SPATS2: variants seen among roughly 807,000 people sequenced by gnomAD.
The protein encoded by SPATS2 is spermatogenesis associated serine rich 2, also known as spermatogenesis-associated serine-rich protein 2.
SPATS2 carries 38 observed loss-of-function variants against 63.7 expected under a neutral mutation model. That is an observed-to-expected ratio of 0.60 (90% CI 0.46 to 0.78). SPATS2 has a LOEUF of 0.78. Among genes scored for constraint, SPATS2 ranks in the 30% least tolerant of loss-of-function variants. The pLI is 0.00. For synonymous variants in SPATS2, 207 were observed against 232.9 expected, an observed-to-expected ratio of 0.89 and a Z score of 1.01; for missense variants, 588 against 666.2, an observed-to-expected ratio of 0.88 and a Z score of 1.29.
intron 9 of SPATS2, among the ~76,000 whole-genome samples, chr12:49,510,477 T>C (rs1383354807): frequency 1.3e-5 from 2 of 151,124 alleles, no homozygotes; most frequent in Admixed American, 1.3e-4. Flanking sequence ...GGCGGGAGGA[T>C]TGCTTGAGCC....
intron 2 of SPATS2, among the ~76,000 whole-genome samples, chr12:49,406,188 C>T (rs545912609): frequency 1.3e-4 from 20 of 151,930 alleles, no homozygotes; most frequent in Non-Finnish European, 2.5e-4. Context: ...AGCTTGAATT[C>T]GGGAGGATAC....
chr12:49,423,744 A>G (rs1021240767), intron 2 of SPATS2, among the ~76,000 whole-genome samples: 1 of 152,204 alleles, frequency 6.6e-6, no homozygotes, highest in African/African-American at 2.4e-5. Context: ...GTCGTACCCA[A>G]ATTCACCTAA....
At chr12:49,508,200 T>G (rs1243610241) in intron 9 of SPATS2, among the ~76,000 whole-genome samples, 1 of 152,098 alleles carries the variant, frequency 6.6e-6, no homozygotes, top group Non-Finnish European at 1.5e-5. Flanking sequence ...GACATTGGTG[T>G]CATAATTCCA....
At chr12:49,489,089 C>A (rs1946342952) in intron 4 of SPATS2, among the ~76,000 whole-genome samples, 1 of 152,106 alleles carries the variant, frequency 6.6e-6, no homozygotes, top group African/African-American at 2.4e-5. Flanking sequence ...ACATAAAAAT[C>A]TAAGTTGTTA....
chr12:49,416,269 T>C (rs562044127), intron 2 of SPATS2, among the ~76,000 whole-genome samples: 35 of 152,214 alleles, frequency 2.3e-4, no homozygotes, highest in Admixed American at 1.8e-3. Context: ...GCGTCTCTTA[T>C]GCAGTTGGAG....
intron 2 of SPATS2, among the ~76,000 whole-genome samples, chr12:49,404,925 A>G (rs1490378392): frequency 6.6e-6 from 1 of 152,180 alleles, no homozygotes; most frequent in Admixed American, 6.5e-5. Flanking sequence ...TGAAAATTAT[A>G]TTAAATTCAA....
intron 2 of SPATS2, among the ~76,000 whole-genome samples, chr12:49,415,613 C>T (rs1944876478): frequency 6.6e-6 from 1 of 152,176 alleles, no homozygotes; most frequent in Non-Finnish European, 1.5e-5. Flanking sequence ...CACATTACTG[C>T]AGATGACAGC....
At chr12:49,518,994 A>G (rs1946893746) in intron 10 of SPATS2, 79 bp from the exon 11 acceptor site, 6 of 1,149,038 alleles carry the variant, frequency 5.2e-6, no homozygotes, top group African/African-American at 1.6e-5. Flanking sequence ...CCAAATACCT[A>G]CTGCAAGGCT....
intron 2 of SPATS2, among the ~76,000 whole-genome samples, chr12:49,421,591 G>A (rs541803318): frequency 6.6e-6 from 1 of 152,142 alleles, no homozygotes; most frequent in South Asian, 2.1e-4. Context: ...CCTAATTCTG[G>A]TCCATTTTAA....
At chr12:49,525,276 C>T (rs994754362) in intron 13 of SPATS2, among the ~76,000 whole-genome samples, 1 of 152,150 alleles carries the variant, frequency 6.6e-6, no homozygotes, top group African/African-American at 2.4e-5. Flanking sequence ...GTGGAATTTA[C>T]AGGGAAAGAG....
intron 2 of SPATS2, among the ~76,000 whole-genome samples, chr12:49,377,877 AT>A (rs1272106461): frequency 6.6e-6 from 1 of 152,222 alleles, no homozygotes; most frequent in Non-Finnish European, 1.5e-5. Flanking sequence ...TGGTCAAGTC[AT>A]TTAATTTCTC....
At chr12:49,425,777 A>G (rs1204022032) in intron 2 of SPATS2, among the ~76,000 whole-genome samples, 2 of 151,926 alleles carry the variant, frequency 1.3e-5, no homozygotes, top group Non-Finnish European at 2.9e-5. Flanking sequence ...TTACAGGCGC[A>G]TGCCACCATA....
chr12:49,377,492 T>G (rs1944129559), intron 2 of SPATS2, among the ~76,000 whole-genome samples: 1 of 152,236 alleles, frequency 6.6e-6, no homozygotes, highest in African/African-American at 2.4e-5. Flanking sequence ...AATTTTTATA[T>G]GATTACATTT....
chr12:49,524,692 A>G lies in SPATS2; in HGVS notation c.1122A>G (p.Pro374=). ...ATATTTCTGTTTCAGTGTCTCATCCAAAGAACAGCTATTCGACCAGATCCC... is the reference window on the plus strand; with the variant it reads ...ATATTTCTGTTTCAGTGTCTCATCCGAAGAACAGCTATTCGACCAGATCCC... The part of the protein sequence containing the change: ...SIDSFGQVSH[P]KNSYSTRSRC... The change falls in exon 13 of 14, where the codon CCA becomes CCG. Residue 374 remains proline, a synonymous_variant. Transcript: ENST00000552918. 6.2e-7 allele frequency: 1 copy of G among 1,614,234 alleles called. No individual in the cohort carries two copies.
intron 2 of SPATS2, chr12:49,387,138 G>A (rs1267627558): frequency 1.3e-5 from 2 of 152,228 alleles, no homozygotes; most frequent in African/African-American, 2.4e-5. Flanking sequence ...GGTATGAGAG[G>A]TATGGGGAAG....
At chr12:49,399,962 G>A (rs977128185) in intron 2 of SPATS2, among the ~76,000 whole-genome samples, 2 of 152,158 alleles carry the variant, frequency 1.3e-5, no homozygotes. Flanking sequence ...CGTGAACCCG[G>A]GAGGCGGAGC....
rs780578557 is a variant in SPATS2 at position 49,522,762 on chromosome 12, T to C, written c.1020T>C (p.Ser340=). The part of the protein sequence containing the change: ...ELRADIKHFV[S]ERKYDEDLGR... ...TGTCCTTTCTCCAGCACTTTGTTAG[T>C]GAACGTAAATATGATGAGGATCTGG... Residue 340 remains serine (S), a synonymous_variant, in exon 12 of 14, where the codon AGT becomes AGC. Coordinates refer to ENST00000552918, the MANE Select transcript of SPATS2 (RefSeq NM_023071.4). The C allele has an allele frequency of 2.5e-6, 4 of 1,613,544 alleles. No individual in the cohort carries two copies. Among genetic ancestry groups the C allele is most frequent in the Admixed American group, 3.3e-5 (2 of 59,992 alleles).
At chr12:49,522,128 T>A (rs545895565) in intron 11 of SPATS2, among the ~76,000 whole-genome samples, 13 of 152,368 alleles carry the variant, frequency 8.5e-5, no homozygotes, top group Admixed American at 7.2e-4. Flanking sequence ...CCATGATTTT[T>A]ATAGCATGGT....
At chr12:49,478,293 T>G (rs1364028450) in intron 3 of SPATS2, among the ~76,000 whole-genome samples, 1 of 152,202 alleles carries the variant, frequency 6.6e-6, no homozygotes, top group East Asian at 1.9e-4. Context: ...TCTTTAGTTG[T>G]GAAGTTCTGA....
Sources: gnomAD v4.1 joint callset for allele counts (sites outside exome capture counted in the v4.1 genomes callset) on GRCh38, gnomAD v4.1.1 for gene constraint, MANE v1.5 for transcripts, NCBI Gene and HGNC (gene_info 2026-07-23, HGNC 2026-07-21) for gene names.